NFIB: variants seen among roughly 807,000 people sequenced by gnomAD.
NFIB encodes nuclear factor 1 B-type.
Under a neutral mutation model 61.5 loss-of-function variants are expected in NFIB, and 11 were observed. The observed-to-expected ratio is 0.18, with a 90% confidence interval of 0.11 to 0.30. The LOEUF is 0.30. Among genes scored for constraint, NFIB ranks in the 10% least tolerant of loss-of-function variants. The probability of loss-of-function intolerance (pLI) is 1.00; values close to 1 mark genes in which losing one functional copy is unlikely to be tolerated. For synonymous variants in NFIB, 260 were observed against 216.5 expected (o/e 1.20, Z -1.76); for missense variants, 471 against 608.9 (o/e 0.77, Z 2.38).
the NFIB span, among the ~76,000 whole-genome samples, chr9:14,410,645 G>C: frequency 1.3e-5 from 2 of 152,188 alleles, no homozygotes; most frequent in Non-Finnish European, 2.9e-5. Context: ...AAGGTTATGA[G>C]CAGAGAGAAA....
At chr9:14,445,132 G>C in the NFIB span, among the ~76,000 whole-genome samples, 2 of 151,982 alleles carry the variant, frequency 1.3e-5, no homozygotes, top group Non-Finnish European at 2.9e-5. Context: ...ATTTGTTGCT[G>C]GTATATAGGA....
intron 2 of NFIB, among the ~76,000 whole-genome samples, chr9:14,230,406 TAGAG>T (rs1385742018): frequency 1.3e-5 from 2 of 152,214 alleles, no homozygotes; most frequent in South Asian, 4.1e-4. Flanking sequence ...TGAAGAAACT[TAGAG>T]AGCAACAGAA....
intron 2 of NFIB, among the ~76,000 whole-genome samples, chr9:14,231,135 A>AATATATATATATATATATAT (rs1554681460): frequency 8.5e-5 from 3 of 35,352 alleles, no homozygotes; most frequent in Non-Finnish European, 1.1e-4. Context: ...AAAAAAAAAA[A>AATATATATATATATATATAT]ATATATATAT....
chr9:14,357,513 T>C (rs1301632301), intron 1 of NFIB: 1 of 152,132 alleles, frequency 6.6e-6, no homozygotes, highest in Non-Finnish European at 1.5e-5. Flanking sequence ...TACCAAGAAA[T>C]AGCAGGGTTG....
the NFIB span, among the ~76,000 whole-genome samples, chr9:14,433,331 T>C: frequency 6.6e-6 from 1 of 152,226 alleles, no homozygotes; most frequent in Non-Finnish European, 1.5e-5. Context: ...CTACTTATAA[T>C]ATGCCCTTTA....
In NFIB at chr9:14,334,127, C is replaced by G. The variant is rs139842604; in HGVS notation, c.109-26607G>C. ...TTTATCTATTCTGTACCCAACAAAC[C>G]TTGGGTTGTTTCCAGTTTGAGGCCA... On this transcript the variant is annotated intron_variant, in intron 1 of 8. Transcript: ENST00000380934. 5.3e-3 allele frequency among the ~76,000 whole-genome samples: 802 copies of G among 152,244 alleles called. 4 individuals are homozygous for G. Among genetic ancestry groups the G allele is most frequent in the African/African-American group, 0.019 (769 of 41,540 alleles).
chr9:14,372,227 T>G (rs961864591), intron 1 of NFIB, among the ~76,000 whole-genome samples: 1 of 152,216 alleles, frequency 6.6e-6, no homozygotes, highest in Admixed American at 6.5e-5. Flanking sequence ...TCTGGCTTGC[T>G]TTGTTCATTT....
At chr9:14,326,137 T>G (rs1428727588) in intron 1 of NFIB, among the ~76,000 whole-genome samples, 1 of 152,202 alleles carries the variant, frequency 6.6e-6, no homozygotes, top group Non-Finnish European at 1.5e-5. Flanking sequence ...GCATGTCTAG[T>G]GTATTGTCCT....
intron 3 of NFIB, among the ~76,000 whole-genome samples, chr9:14,175,225 G>A (rs946504135): frequency 8.1e-6 from 1 of 123,938 alleles, no homozygotes; most frequent in South Asian, 2.8e-4. Context: ...GATGGCTGGA[G>A]TGCAGTGGTG....
At chr9:14,275,983 G>A (rs755130787) in intron 2 of NFIB, among the ~76,000 whole-genome samples, 1 of 151,892 alleles carries the variant, frequency 6.6e-6, no homozygotes, top group Non-Finnish European at 1.5e-5. Flanking sequence ...AAAATGAAGA[G>A]TCTCTCAAGC....
chr9:14,207,221 C>G (rs966110808), intron 2 of NFIB, among the ~76,000 whole-genome samples: 9 of 152,198 alleles, frequency 5.9e-5, no homozygotes, highest in African/African-American at 1.9e-4. Context: ...CCAAGCCAAA[C>G]TGACCCCAGA....
At chr9:14,240,782 T>C (rs556968564) in intron 2 of NFIB, among the ~76,000 whole-genome samples, 1 of 152,206 alleles carries the variant, frequency 6.6e-6, no homozygotes, top group East Asian at 1.9e-4. Flanking sequence ...ACCACCTCAT[T>C]TGGCAAACTC....
chr9:14,390,305 T>C (rs1180608670), intron 1 of NFIB, among the ~76,000 whole-genome samples: 2 of 152,046 alleles, frequency 1.3e-5, no homozygotes, highest in Non-Finnish European at 2.9e-5. Context: ...ATATATAAAA[T>C]GGAGAAAATA....
Position 14,322,087 on chromosome 9 carries a change from A to T in NFIB, c.109-14567T>A. 3 of 1,020,110 alleles carry T rather than the reference A, an allele frequency of 2.9e-6. No individual in the cohort carries two copies. In the South Asian group the frequency reaches 1.5e-4, roughly 50 times the overall value. The allele number at this position is 1,020,110 out of a possible 1,614,324, so 63.2% of individuals were successfully genotyped here. The stretch of plus-strand genomic sequence containing the variant: ...TTTTTGTGTTTAGTTAAAAAAAAAA[A>T]AAAAAAAAAAAAAAAGCAATCCGGG... On this transcript the variant is annotated intron_variant, in intron 1 of 8. Transcript: ENST00000380934.
At chr9:14,454,965 C>T in the NFIB span, among the ~76,000 whole-genome samples, 2 of 152,262 alleles carry the variant, frequency 1.3e-5, no homozygotes, top group African/African-American at 2.4e-5. Context: ...AGATTTAGAG[C>T]AGAATCAAAG....
At chr9:14,416,986 G>A in the NFIB span, among the ~76,000 whole-genome samples, 9 of 147,632 alleles carry the variant, frequency 6.1e-5, no homozygotes, top group South Asian at 2.1e-4. Context: ...TCCGCCTCTC[G>A]GGTTCAAGCG....
chr9:14,259,773 C>T (rs80135306), intron 2 of NFIB, among the ~76,000 whole-genome samples: 13,560 of 151,956 alleles, frequency 0.089, 840 homozygotes, highest in East Asian at 0.23. Flanking sequence ...GGCGTGGTGG[C>T]GGGCACTTGT....
chr9:14,347,961 A>G (rs2061052736), intron 1 of NFIB, among the ~76,000 whole-genome samples: 1 of 152,142 alleles, frequency 6.6e-6, no homozygotes. Context: ...GTCTCCGCGC[A>G]CCACGTGCGC....
the NFIB span, among the ~76,000 whole-genome samples, chr9:14,460,494 G>A: frequency 6.6e-6 from 1 of 151,602 alleles, no homozygotes; most frequent in Non-Finnish European, 1.5e-5. Flanking sequence ...TTGTGCACAT[G>A]TACCCTAAAA....
Sources: allele counts gnomAD v4.1 joint callset (sites outside exome capture counted in the v4.1 genomes callset), GRCh38; gene constraint gnomAD v4.1.1; transcripts MANE v1.5; gene names NCBI Gene and HGNC (gene_info 2026-07-23, HGNC 2026-07-21).